Variants in ZNF846 observed in about 807,000 individuals in gnomAD.
ZNF846 encodes the protein zinc finger protein 420 pseudogene.
ZNF846 carries 15 observed loss-of-function variants against 16.0 expected under a neutral mutation model. The observed-to-expected ratio is 0.94, with a 90% confidence interval of 0.63 to 1.45. ZNF846 has a LOEUF of 1.45. Among genes scored for constraint, ZNF846 ranks in the 40% most tolerant of loss-of-function variants. The pLI is 0.00. For synonymous variants in ZNF846, 229 were observed against 212.0 expected, an observed-to-expected ratio of 1.08 and a Z score of -0.70; for missense variants, 714 against 622.3, an observed-to-expected ratio of 1.15 and a Z score of -1.57.
At chr19:9,758,395 A>G (rs2045168326) in exon 6 of ZNF846, 1 of 1,613,238 alleles carries the variant, frequency 6.2e-7, no homozygotes, top group Non-Finnish European at 8.5e-7. Context: ...CATTCCTTAC[A>G]TACATAGTGT....
chr19:9,771,417 A>T (rs1267135359), upstream of ZNF846, among the ~76,000 whole-genome samples: 1 of 152,142 alleles, frequency 6.6e-6, no homozygotes, highest in Non-Finnish European at 1.5e-5. Flanking sequence ...GCCTCAAGTG[A>T]TCCACCCACT....
intron 1 of ZNF846, among the ~76,000 whole-genome samples, chr19:9,766,065 G>A (rs1184454529): frequency 6.6e-6 from 1 of 152,154 alleles, no homozygotes; most frequent in Non-Finnish European, 1.5e-5. Flanking sequence ...TTATGCTGGT[G>A]AGGTGCACCC....
chr19:9,773,377 ACTTT>A (rs202109246), upstream of ZNF846, among the ~76,000 whole-genome samples: 463 of 152,234 alleles, frequency 3.0e-3, 4 homozygotes, highest in African/African-American at 0.011. Flanking sequence ...ATTAGTGAAT[ACTTT>A]CTTAAGATGA....
chr19:9,772,124 G>A (rs867250894), upstream of ZNF846, among the ~76,000 whole-genome samples: 2 of 152,020 alleles, frequency 1.3e-5, no homozygotes, highest in African/African-American at 4.8e-5. Flanking sequence ...TTTCCCCATT[G>A]AATTGTTTTG....
chr19:9,764,353 A>G (rs1266235481), intron 2 of ZNF846, among the ~76,000 whole-genome samples: 1 of 152,228 alleles, frequency 6.6e-6, no homozygotes, highest in Non-Finnish European at 1.5e-5. Context: ...TAGGTTATGG[A>G]AAGATTGTGT....
In ZNF846 at chr19:9,758,212, T is replaced by A. The variant is rs1225166697; in HGVS notation, c.865A>T (p.Lys289Ter). ...AGGTATGAAGAATGGGTGAAGGCTT[T>A]CCCACACTCTTTACATTTATATGGT... The change falls in exon 6 of 6, where the codon AAA becomes TAA. Residue 289 changes from lysine to a stop codon, truncating the protein, a stop_gained. Coordinates refer to ENST00000397902, the Ensembl canonical transcript of ZNF846. LOFTEE classifies it low-confidence loss of function (END_TRUNC). 21 of 1,613,148 alleles carry A rather than the reference T, an allele frequency of 1.3e-5. No individual in the cohort carries two copies. Among genetic ancestry groups the A allele is most frequent in the African/African-American group, 2.7e-5 (2 of 74,434 alleles).
At chr19:9,774,832 G>C in intron 1 of ZNF846, 2 of 1,608,424 alleles carry the variant, frequency 1.2e-6, no homozygotes, top group Non-Finnish European at 1.7e-6. Flanking sequence ...TAGCACTGGT[G>C]AATGACCCCC....
chr19:9,754,566 A>C (rs1453895249), downstream of ZNF846, among the ~76,000 whole-genome samples: 11 of 136,806 alleles, frequency 8.0e-5, no homozygotes, highest in African/African-American at 2.1e-4. Context: ...CTCTGTCTTA[A>C]AAAAAAAAAA....
intron 1 of ZNF846, among the ~76,000 whole-genome samples, chr19:9,782,943 A>T (rs1369509990): frequency 6.6e-6 from 1 of 150,784 alleles, no homozygotes; most frequent in Admixed American, 6.6e-5. Context: ...TTTTTAAGAG[A>T]CAGGGTCTTG....
downstream of ZNF846, among the ~76,000 whole-genome samples, chr19:9,752,733 A>G (rs751327945): frequency 3.4e-5 from 5 of 146,960 alleles, no homozygotes; most frequent in Non-Finnish European, 7.4e-5. Context: ...TGCTTATCTC[A>G]TACATTATTT....
downstream of ZNF846, among the ~76,000 whole-genome samples, chr19:9,755,165 T>C (rs1353455423): frequency 6.6e-6 from 1 of 151,382 alleles, no homozygotes; most frequent in Non-Finnish European, 1.5e-5. Context: ...ACCACGGGGA[T>C]TAAATATAAC....
chr19:9,751,236 C>A (rs1344664985), downstream of ZNF846, among the ~76,000 whole-genome samples: 2 of 152,056 alleles, frequency 1.3e-5, no homozygotes, highest in Admixed American at 6.6e-5. Context: ...CCCCTTACCC[C>A]AAAATCTTAC....
downstream of ZNF846, among the ~76,000 whole-genome samples, chr19:9,757,180 G>T (rs1032546225): frequency 4.0e-5 from 6 of 150,544 alleles, no homozygotes; most frequent in Non-Finnish European, 1.5e-5. Flanking sequence ...GGGTGAGAGA[G>T]AGAGACTCTG....
rs1476158568 is a variant in ZNF846, at chr19:9,758,087, T to C, written c.990A>G (p.Arg330=). Reference sequence around the variant, plus strand: ...CATATGGCTTTTCTCCAGTGTGAATTCGCATGTGTAAAATAAGTCCTGTGG... The same window carrying C: ...CATATGGCTTTTCTCCAGTGTGAATCCGCATGTGTAAAATAAGTCCTGTGG... Residue 330 remains arginine, a synonymous_variant, in exon 6 of 6, where the codon CGA becomes CGG. Coordinates refer to ENST00000397902, the Ensembl canonical transcript of ZNF846. 7 of 1,613,582 alleles carry C rather than the reference T, an allele frequency of 4.3e-6. No individual in the cohort carries two copies. The East Asian group carries it at 1.3e-4, about 31-fold the overall frequency.
chr19:9,754,295 T>A (rs185569314), downstream of ZNF846, among the ~76,000 whole-genome samples: 69 of 151,634 alleles, frequency 4.6e-4, 3 homozygotes, highest in African/African-American at 1.6e-3. Flanking sequence ...CCAGGCGTGA[T>A]GGCTCATGCC....
intron 5 of ZNF846, chr19:9,752,444 CAAAA>C: frequency 2.9e-6 from 1 of 350,452 alleles, no homozygotes. Context: ...TTCGTCTCTA[CAAAA>C]AAAAAAAATA....
intron 4 of ZNF846, among the ~76,000 whole-genome samples, chr19:9,761,718 A>T (rs2045233054): frequency 6.6e-6 from 1 of 152,074 alleles, no homozygotes; most frequent in South Asian, 2.1e-4. Context: ...CTCAAAAAAA[A>T]AAAAAACCTG....
downstream of ZNF846, chr19:9,757,352 A>G (rs1478615954): frequency 3.9e-6 from 3 of 763,898 alleles, no homozygotes; most frequent in East Asian, 7.8e-5. Context: ...ACTTGTGTCC[A>G]TGTTAAATTC....
chr19:9,768,189 C>T (rs2045347344), intron 1 of ZNF846, 100 bp downstream of exon 1: 1 of 152,188 alleles, frequency 6.6e-6, no homozygotes. Flanking sequence ...ACCTACAACT[C>T]CTGCACACTT....
Sources: allele counts gnomAD v4.1 joint callset (sites outside exome capture counted in the v4.1 genomes callset), GRCh38; gene constraint gnomAD v4.1.1; transcripts MANE v1.5; gene names NCBI Gene and HGNC (gene_info 2026-07-23, HGNC 2026-07-21).